The following NLK variants were observed in gnomAD, a reference collection of about 807,000 sequenced individuals.
The protein encoded by NLK is nemo like kinase, also known as serine/threonine-protein kinase NLK.
NLK carries 11 observed loss-of-function variants against 59.0 expected under a neutral mutation model. The observed-to-expected ratio is 0.19, with a 90% CI of 0.12 to 0.31. The LOEUF (loss-of-function observed/expected upper bound fraction) is 0.31. Among genes scored for constraint, NLK ranks in the 10% least tolerant of loss-of-function variants. NLK has a pLI of 1.00. For missense variants in NLK, 410 were observed against 661.1 expected (o/e 0.62, Z 4.16); for synonymous variants, 235 against 235.9 (o/e 1.00, Z 0.03).
chr17:28,194,560 C>A, intron 10 of NLK, 22 bp from the exon 11 acceptor site: 1 of 1,566,286 alleles, frequency 6.4e-7, no homozygotes, highest in Non-Finnish European at 8.7e-7. Context: ...CAACTAATTT[C>A]TCCATCTCTG....
At chr17:28,162,636 CAAAA>C (rs555751233) in intron 4 of NLK, among the ~76,000 whole-genome samples, 2 of 150,938 alleles carry the variant, frequency 1.3e-5, no homozygotes. Flanking sequence ...GACTCCGTCT[CAAAA>C]AAAACAAAAA....
intron 6 of NLK, among the ~76,000 whole-genome samples, chr17:28,172,026 A>G (rs892862502): frequency 6.6e-6 from 1 of 151,504 alleles, no homozygotes; most frequent in Non-Finnish European, 1.5e-5. Flanking sequence ...ATAGGAATGG[A>G]ATATATAGGA....
the NLK span, among the ~76,000 whole-genome samples, chr17:28,203,501 C>G: frequency 6.6e-6 from 1 of 152,124 alleles, no homozygotes; most frequent in Non-Finnish European, 1.5e-5. Context: ...TTCCACTCCT[C>G]GAGGCAGAGC....
At chr17:28,135,049 C>T (rs759936255) in intron 3 of NLK, among the ~76,000 whole-genome samples, 92 of 152,292 alleles carry the variant, frequency 6.0e-4, no homozygotes, top group Admixed American at 1.7e-3. Flanking sequence ...TTATACCTGG[C>T]CAGGAGCTAC....
chr17:28,108,890 C>T (rs146378720), intron 1 of NLK, among the ~76,000 whole-genome samples: 6,185 of 152,154 alleles, frequency 0.041, 185 homozygotes, highest in Non-Finnish European at 0.064. Context: ...GATTTTAGGC[C>T]GGGCGCAGTG....
rs1906572658 is a variant in NLK, at chr17:28,132,727, GTTC to G, written c.644+57_644+59del. ...AGGGGACAATTTTTAAAATTAATTT[GTTC>G]TTCTAGCACCTTTTGGGGTTCATGC... On this transcript the variant is annotated intron_variant, in intron 3 of 10. Coordinates refer to ENST00000407008, the MANE Select transcript of NLK (RefSeq NM_016231.5). The G allele has an allele frequency of 3.4e-6, 5 of 1,451,542 alleles. 1 individual carries two copies. In the South Asian group the frequency reaches 3.7e-5, roughly 11 times the overall value. The allele number at this position is 1,451,542 out of a possible 1,614,324, so 89.9% of individuals were successfully genotyped here.
At chr17:28,148,206 G>A (rs1304932415) in intron 3 of NLK, among the ~76,000 whole-genome samples, 1 of 152,062 alleles carries the variant, frequency 6.6e-6, no homozygotes, top group Non-Finnish European at 1.5e-5. Context: ...AAAGAAATCT[G>A]TAAAGGGCTA....
chr17:28,109,796 A>G (rs751309921), intron 1 of NLK, among the ~76,000 whole-genome samples: 1 of 152,204 alleles, frequency 6.6e-6, no homozygotes, highest in African/African-American at 2.4e-5. Flanking sequence ...ATATTTACAT[A>G]TGTCTTTGTG....
chr17:28,187,779 C>G (rs961808548), intron 8 of NLK, among the ~76,000 whole-genome samples: 2 of 152,104 alleles, frequency 1.3e-5, no homozygotes, highest in Non-Finnish European at 2.9e-5. Context: ...GATTATCACA[C>G]TTAATTAAAT....
chr17:28,195,015 A>AC lies in NLK; in HGVS notation c.*379_*380insC, dbSNP rs1491205240. 95 of 161,940 alleles carry AC rather than the reference A, an allele frequency of 5.9e-4. 1 individual carries two copies. Among genetic ancestry groups the AC allele is most frequent in the African/African-American group, 1.7e-3 (70 of 41,752 alleles). 10.0% of individuals were successfully genotyped at this position (161,940 alleles called of 1,614,324 possible). A position where few individuals can be genotyped will look rare whatever the true frequency, so the allele number is the denominator to read the frequency against. ...CACACACACACACACACACACACAC[A>AC]AACACAAAGGACAGTCATACATTTT... On this transcript the variant is annotated 3_prime_UTR_variant, in exon 11 of 11. Coordinates refer to ENST00000407008, the MANE Select transcript of NLK (RefSeq NM_016231.5).
intron 10 of NLK, among the ~76,000 whole-genome samples, chr17:28,193,004 T>A (rs1003122302): frequency 6.6e-6 from 1 of 152,246 alleles, no homozygotes; most frequent in African/African-American, 2.4e-5. Flanking sequence ...TTCATTCTCC[T>A]TGTCTGTCTG....
intron 3 of NLK, among the ~76,000 whole-genome samples, chr17:28,155,895 T>G (rs1486158391): frequency 1.3e-5 from 2 of 152,190 alleles, no homozygotes; most frequent in Admixed American, 1.3e-4. Flanking sequence ...CTGCATGTTG[T>G]GCACATGTAC....
the NLK span, among the ~76,000 whole-genome samples, chr17:28,201,439 C>T: frequency 2.1e-5 from 3 of 141,434 alleles, no homozygotes; most frequent in Non-Finnish European, 4.5e-5. Context: ...CACAGCTTCT[C>T]GGGAGGCTGA....
intron 2 of NLK, among the ~76,000 whole-genome samples, chr17:28,127,952 A>G (rs577757137): frequency 3.3e-5 from 5 of 152,182 alleles, no homozygotes; most frequent in Non-Finnish European, 7.4e-5. Context: ...GAAAGTTTGT[A>G]AACTGGCATA....
intron 1 of NLK, among the ~76,000 whole-genome samples, chr17:28,058,567 G>T (rs932880898): frequency 3.3e-5 from 5 of 152,188 alleles, no homozygotes; most frequent in Non-Finnish European, 4.4e-5. Flanking sequence ...CTGGTCCCAT[G>T]ATGGGTGCCT....
chr17:28,117,433 A>G (rs1190744448), intron 1 of NLK, among the ~76,000 whole-genome samples: 1 of 152,154 alleles, frequency 6.6e-6, no homozygotes, highest in Admixed American at 6.5e-5. Context: ...GCCTTCCTCC[A>G]TTATCAGTAC....
chr17:28,175,186 C>T (rs1448018564), intron 7 of NLK, among the ~76,000 whole-genome samples: 1 of 151,822 alleles, frequency 6.6e-6, no homozygotes, highest in Non-Finnish European at 1.5e-5. Context: ...CGGCTCACAC[C>T]TGTAATCCCA....
intron 3 of NLK, among the ~76,000 whole-genome samples, chr17:28,141,419 T>G (rs1906987639): frequency 6.6e-6 from 1 of 152,166 alleles, no homozygotes; most frequent in Non-Finnish European, 1.5e-5. Flanking sequence ...ATCTGTAGAT[T>G]GATGTGTTTA....
chr17:28,106,410 A>G (rs1279286083), intron 1 of NLK, among the ~76,000 whole-genome samples: 1 of 152,200 alleles, frequency 6.6e-6, no homozygotes, highest in East Asian at 1.9e-4. Flanking sequence ...TTATATGCTA[A>G]CAGATGTATT....
Sources: gnomAD v4.1 joint callset for allele counts (sites outside exome capture counted in the v4.1 genomes callset) on GRCh38, gnomAD v4.1.1 for gene constraint, MANE v1.5 for transcripts, NCBI Gene and HGNC (gene_info 2026-07-23, HGNC 2026-07-21) for gene names.